The following TSC2 variants were observed in gnomAD, a reference collection of about 807,000 sequenced individuals.
The protein encoded by TSC2 is TSC complex subunit 2, also known as tuberin.
A neutral mutation model predicts 202.2 loss-of-function variants in TSC2; 29 were observed. The ratio of observed to expected loss-of-function variants is 0.14; its 90% CI spans 0.11 to 0.20. The LOEUF (loss-of-function observed/expected upper bound fraction) is 0.20. Among genes scored for constraint, TSC2 ranks in the 10% least tolerant of loss-of-function variants. The pLI is 1.00. For synonymous variants in TSC2, 1,349 were observed against 1,044.0 expected (o/e 1.29, Z -5.63); for missense variants, 2,429 against 2,420.0 (o/e 1.00, Z -0.08).
rs539450042 is a variant in TSC2 at position 2,071,496 on chromosome 16, C to T, written c.1840-14C>T. The T allele has an allele frequency of 3.0e-5, 48 of 1,613,436 alleles. 1 individual carries two copies. In the South Asian group the frequency reaches 4.5e-4, roughly 15 times the overall value. ...CGAGCTTGGCTCTGGCTTTCACCAT[C>T]CTCTTCCTGACAGGCCTTTGACTTC... On this transcript the variant is annotated splice_polypyrimidine_tract_variant and intron_variant, in intron 17 of 41. Coordinates refer to ENST00000219476, the MANE Select transcript of TSC2 (RefSeq NM_000548.5).
Position 2,062,614 on chromosome 16 carries a change from T to C in TSC2, c.1361+14T>C. ...GAGATTCTTCAGGTAGGGGGTCCTCTGTAGCCTTGCCTGGCACCTGGAGCC... is the reference window on the plus strand; with the variant it reads ...GAGATTCTTCAGGTAGGGGGTCCTCCGTAGCCTTGCCTGGCACCTGGAGCC... On this transcript the variant is annotated intron_variant, in intron 13 of 41. Transcript: ENST00000219476. 1 of 1,595,544 alleles carries C rather than the reference T, an allele frequency of 6.3e-7. No individual in the cohort carries two copies. Among genetic ancestry groups the C allele is most frequent in the East Asian group, 2.3e-5 (1 of 44,416 alleles).
intron 9 of TSC2, among the ~76,000 whole-genome samples, chr16:2,057,456 A>C (rs1000442583): frequency 9.9e-5 from 15 of 152,046 alleles, no homozygotes; most frequent in Non-Finnish European, 1.6e-4. Context: ...GCCTGTTACA[A>C]GGCGAGGCTC....
At chr16:2,081,473 C>G in intron 30 of TSC2, 122 bp from the exon 31 acceptor site, 1 of 1,272,610 alleles carries the variant, frequency 7.9e-7, no homozygotes, top group Non-Finnish European at 1.1e-6. Context: ...CATCGTGGTC[C>G]TGAGGATTGT....
At position 2,079,713 on chromosome 16, in the gene TSC2, C is replaced by T. The variant is rs1408859550; in HGVS notation, c.3397+44C>T. 1 of 1,530,894 alleles carries T rather than the reference C, an allele frequency of 6.5e-7. No individual in the cohort carries two copies. The highest frequency in any genetic ancestry group is 2.4e-5 in the East Asian group (1 of 41,036). The allele number at this position is 1,530,894 out of a possible 1,614,324, so 94.8% of individuals were successfully genotyped here. A position where few individuals can be genotyped will look rare whatever the true frequency, so the allele number is the denominator to read the frequency against. ...CACCTCCACACAGGCACCGGGGCTC[C>T]CTCAGTTGCTGCTGGTCCCAGTGTT... On this transcript the variant is annotated intron_variant, in intron 29 of 41. Transcript: ENST00000219476. This position sits in a 1 kb window ranked among gnomAD's most constrained non-coding sequence, Gnocchi z 4.6.
At chr16:2,082,365 T>A in intron 31 of TSC2, 71 bp from the exon 32 acceptor site, 1 of 1,557,932 alleles carries the variant, frequency 6.4e-7, no homozygotes, top group Non-Finnish European at 8.8e-7. Flanking sequence ...GCACGGGGCC[T>A]GTGCTCTCTG....
rs45517247 is a variant in TSC2, at chr16:2,075,794, C to G, written c.2546-5C>G. On this transcript the variant is annotated splice_polypyrimidine_tract_variant and splice_region_variant and intron_variant, in intron 22 of 41. Coordinates refer to ENST00000219476, the MANE Select transcript of TSC2 (RefSeq NM_000548.5). ...CTCCCCTGACCACCCTCTCCATTAC[C>G]GCAGCTCTGGCCAGGCTGCCGCACC... The G allele has an allele frequency of 8.1e-6, 13 of 1,612,350 alleles. No homozygotes were observed. In the South Asian group the frequency reaches 1.4e-4, roughly 18 times the overall value.
At position 2,058,628 on chromosome 16, in the gene TSC2, C is replaced by T. The variant is rs1311276791; in HGVS notation, c.849-119C>T. ...TGCCCTTCCCCAGCGGTGCTCCTGCCCCCCCCAAGCACAGGGACCTCTGGG... is the reference window on the plus strand; with the variant it reads ...TGCCCTTCCCCAGCGGTGCTCCTGCTCCCCCCAAGCACAGGGACCTCTGGG... On this transcript the variant is annotated intron_variant, in intron 9 of 41. Transcript: ENST00000219476. The T allele has an allele frequency of 1.2e-5, 18 of 1,455,360 alleles. No individual in the cohort carries two copies. In the East Asian group the frequency reaches 4.0e-4, roughly 32 times the overall value. The allele number at this position is 1,455,360 out of a possible 1,614,324, so 90.2% of individuals were successfully genotyped here.
At chr16:2,071,758 C>G (rs1298048855) in intron 18 of TSC2, 26 bp from the exon 19 acceptor site, 2 of 1,602,454 alleles carry the variant, frequency 1.2e-6, no homozygotes, top group Admixed American at 1.7e-5. Flanking sequence ...GGGACTTGGC[C>G]TCAGCTGCTT....
chr16:2,085,422 A>G, intron 36 of TSC2, 100 bp downstream of exon 36: 3 of 1,273,040 alleles, frequency 2.4e-6, no homozygotes, highest in Non-Finnish European at 1.1e-6. Flanking sequence ...ACAGAGCTCA[A>G]CACTGCCGGG....
chr16:2,082,648 C>G lies in TSC2; in HGVS notation c.3883+144C>G, dbSNP rs187111633. 8.8e-4 allele frequency: 798 copies of G among 906,994 alleles called. 5 individuals are homozygous for G. The Admixed American group carries it at 0.011, about 13-fold the overall frequency. 56.2% of individuals were successfully genotyped at this position (906,994 alleles called of 1,614,324 possible). ...CAGGTCCCGACTCGCATGAGGACGT[C>G]TGTGCAGAATGTCTTTGGCTTGGCC... On this transcript the variant is annotated intron_variant, in intron 32 of 41. Coordinates refer to ENST00000219476, the MANE Select transcript of TSC2 (RefSeq NM_000548.5).
intron 26 of TSC2, chr16:2,078,797 C>CTT: frequency 1.7e-6 from 1 of 590,284 alleles, no homozygotes; most frequent in South Asian, 2.0e-5. Flanking sequence ...CTCTAGCCTC[C>CTT]TGAGTCTGCT....
chr16:2,063,343 CTG>C, intron 14 of TSC2: 2 of 563,818 alleles, frequency 3.5e-6, no homozygotes, highest in South Asian at 4.0e-5. Context: ...CTTAAAAATT[CTG>C]TGTGAGTTCG....
intron 3 of TSC2, among the ~76,000 whole-genome samples, chr16:2,051,499 C>T (rs1038921873): frequency 6.6e-6 from 1 of 152,080 alleles, no homozygotes; most frequent in Non-Finnish European, 1.5e-5. Flanking sequence ...TATTGGGCGA[C>T]CTCACGGACA....
At chr16:2,072,036 G>A in intron 19 of TSC2, 102 bp downstream of exon 19, 2 of 1,484,866 alleles carry the variant, frequency 1.3e-6, no homozygotes, top group Middle Eastern at 2.4e-4. Context: ...GCCTGTGGAG[G>A]GCAGCCCTCC....
intron 24 of TSC2, 135 bp from the exon 25 acceptor site, chr16:2,076,353 TGAG>T: frequency 6.4e-7 from 1 of 1,571,282 alleles, no homozygotes; most frequent in African/African-American, 1.3e-5. Flanking sequence ...CGGCAGGCAT[TGAG>T]GGGTGGGAGC....
chr16:2,064,611 C>T (rs929737682), intron 15 of TSC2, 184 bp downstream of exon 15: 2 of 901,024 alleles, frequency 2.2e-6, no homozygotes, highest in African/African-American at 3.3e-5. Context: ...GGATTTGTGT[C>T]CTGACTGAAA....
Position 2,079,398 on chromosome 16 carries a change from C to G in TSC2, c.3254C>G (p.Ser1085Trp), listed in dbSNP as rs45517287. Reference protein sequence around the residue: ...TGTRSLLGLDSGELQSGPESS... With the variant: ...TGTRSLLGLDWGELQSGPESS... ...ACCCGGTCGTTACTAGGCCTGGACT[C>G]GGGGGAGCTGCAGTCCGGCCCGGAG... Residue 1085 changes from serine (S) to tryptophan (W), a missense_variant, in exon 28 of 42, where the codon TCG (serine) becomes TGG (tryptophan). Ser to Trp is a radical substitution (Grantham distance 177). Transcript: ENST00000219476. This position sits in a 1 kb window ranked among gnomAD's most constrained non-coding sequence, Gnocchi z 4.6. The G allele has an allele frequency of 6.2e-7, 1 of 1,612,784 alleles. No homozygotes were observed. Among genetic ancestry groups the G allele is most frequent in the Non-Finnish European group, 8.5e-7 (1 of 1,180,016 alleles).
intron 15 of TSC2, chr16:2,064,649 T>A: frequency 2.9e-6 from 2 of 689,614 alleles, no homozygotes; most frequent in South Asian, 1.8e-5. Flanking sequence ...CCTGTCACAC[T>A]CTGGGACAGC....
At chr16:2,048,317 G>T in intron 1 of TSC2, 1 of 990,680 alleles carries the variant, frequency 1.0e-6, no homozygotes, top group Admixed American at 2.0e-5. Context: ...GGACTTCGCG[G>T]CGGCAGTCCT....
Sources: allele counts gnomAD v4.1 joint callset (sites outside exome capture counted in the v4.1 genomes callset), GRCh38; gene constraint gnomAD v4.1.1; non-coding constraint Gnocchi (gnomAD v3.1); transcripts MANE v1.5; gene names NCBI Gene and HGNC (gene_info 2026-07-23, HGNC 2026-07-21).